The following ADAMTS19 variants were observed in gnomAD, a reference collection of about 807,000 sequenced individuals.
ADAMTS19 encodes the protein ADAM metallopeptidase with thrombospondin type 1 motif 19.
In ADAMTS19, 93 loss-of-function variants were observed where a neutral mutation model predicts 153.3. That is an observed-to-expected ratio of 0.61 (90% CI 0.51 to 0.72). The LOEUF (loss-of-function observed/expected upper bound fraction) is 0.72. ADAMTS19 is among the 30% of genes least tolerant of loss of function. The pLI, the probability that ADAMTS19 is intolerant of heterozygous loss-of-function variation, is 0.00. For synonymous variants in ADAMTS19, 600 were observed against 556.6 expected (o/e 1.08, Z -1.10); for missense variants, 1,482 against 1,552.1 (o/e 0.95, Z 0.76).
At chr5:129,588,112 G>A (rs1392499040) in intron 7 of ADAMTS19, among the ~76,000 whole-genome samples, 2 of 152,064 alleles carry the variant, frequency 1.3e-5, no homozygotes, top group Non-Finnish European at 2.9e-5. Flanking sequence ...GTGTACCACT[G>A]GCTTTGTTAT....
Position 129,574,712 on chromosome 5 carries a change from G to T in ADAMTS19, c.1373-21847G>T, listed in dbSNP as rs542601286. On this transcript the variant is annotated intron_variant, in intron 7 of 22. Transcript: ENST00000274487. ...TAAGCCTGTTTTGCTTATACAATTT[G>T]ATGAGTTTGGATGTATATATAAATT... 5.6e-3 allele frequency among the ~76,000 whole-genome samples: 846 copies of T among 151,888 alleles called. 6 individuals carry two copies. Among genetic ancestry groups the T allele is most frequent in the Middle Eastern group, 0.01 (3 of 292 alleles).
chr5:129,521,599 C>G (rs1751802245), intron 3 of ADAMTS19, among the ~76,000 whole-genome samples: 1 of 152,096 alleles, frequency 6.6e-6, no homozygotes, highest in South Asian at 2.1e-4. Context: ...TAACATCCCC[C>G]AGAAATGTTA....
chr5:129,491,541 C>A (rs958218041), intron 2 of ADAMTS19, among the ~76,000 whole-genome samples: 1 of 152,126 alleles, frequency 6.6e-6, no homozygotes, highest in African/African-American at 2.4e-5. Context: ...AATTTGGAAT[C>A]CTTCTACTCG....
rs776542968 is a variant in ADAMTS19 at position 129,461,702 on chromosome 5, C to A, written c.692C>A (p.Ala231Asp). 2.6e-6 allele frequency: 4 copies of A among 1,549,884 alleles called. No individual in the cohort carries two copies. The South Asian group carries it at 4.7e-5, about 18-fold the overall frequency. The change falls in exon 2 of 23, where the codon GCT (alanine) becomes GAT (aspartate). Residue 231 changes from alanine (A) to aspartate (D), a missense_variant. By Grantham distance (126) the Ala-to-Asp change is moderately radical. Coordinates refer to ENST00000274487, the MANE Select transcript of ADAMTS19 (RefSeq NM_133638.6). This position sits in a 1 kb window ranked among gnomAD's most constrained non-coding sequence, Gnocchi z 4.6. ...PPDAGCFYTG[A>D]VLRHPGSLAS... is the part of the protein sequence containing the mutation. ...GACGCAGGCTGCTTCTACACCGGAG[C>A]TGTGCTGCGGCACCCTGGCTCGCTG... is the stretch of plus-strand genomic sequence containing the variant.
At chr5:129,483,669 A>G (rs898935467) in intron 2 of ADAMTS19, among the ~76,000 whole-genome samples, 3 of 152,224 alleles carry the variant, frequency 2.0e-5, no homozygotes, top group Non-Finnish European at 2.9e-5. Context: ...AGGCACAGCC[A>G]AAATCTGTAA....
Position 129,704,229 on chromosome 5 carries a change from T to C in ADAMTS19, c.3160-10T>C. ...CAACTTTATCTAAAACCTCTGATGT[T>C]ATCTTCCAGTGTTCAGTCAAGTGTG... On this transcript the variant is annotated splice_polypyrimidine_tract_variant and intron_variant, in intron 20 of 22. Coordinates refer to ENST00000274487, the MANE Select transcript of ADAMTS19 (RefSeq NM_133638.6). The C allele has an allele frequency of 6.2e-7, 1 of 1,609,852 alleles. No individual in the cohort carries two copies. The highest frequency in any genetic ancestry group is 8.5e-7 in the Non-Finnish European group (1 of 1,178,264).
intron 13 of ADAMTS19, among the ~76,000 whole-genome samples, chr5:129,651,784 T>C (rs1753327630): frequency 6.6e-6 from 1 of 152,204 alleles, no homozygotes; most frequent in Non-Finnish European, 1.5e-5. Context: ...GTCCCTAGTG[T>C]ATCATCTACT....
At chr5:129,653,224 T>C (rs185641956) in intron 13 of ADAMTS19, among the ~76,000 whole-genome samples, 2 of 152,338 alleles carry the variant, frequency 1.3e-5, no homozygotes, top group East Asian at 3.9e-4. Context: ...TCAGAGACTT[T>C]AAACTTTTTT....
intron 8 of ADAMTS19, among the ~76,000 whole-genome samples, chr5:129,615,631 C>T (rs1251523740): frequency 2.0e-5 from 3 of 151,868 alleles, no homozygotes; most frequent in Non-Finnish European, 2.9e-5. Flanking sequence ...TATATTAATA[C>T]ACTCATAAGA....
intron 15 of ADAMTS19, among the ~76,000 whole-genome samples, chr5:129,661,290 A>T (rs1168350736): frequency 6.6e-6 from 1 of 152,252 alleles, no homozygotes; most frequent in Non-Finnish European, 1.5e-5. Flanking sequence ...TTATCAGCAT[A>T]GTATGCGATC....
Position 129,608,116 on chromosome 5 carries a change from G to GTGTATATATATATATATA in ADAMTS19, c.1478+11453_1478+11454insGTATATATATATATATAT, listed in dbSNP as rs377008786. Among the ~76,000 whole-genome samples the GTGTATATATATATATATA allele has an allele frequency of 8.5e-3, 408 of 47,840 alleles. 23 individuals carry two copies. The highest frequency in any genetic ancestry group is 0.022 in the East Asian group (37 of 1,714). The allele number at this position is 47,840 out of a possible 152,430, so 31.4% of individuals were successfully genotyped here. On this transcript the variant is annotated intron_variant, in intron 8 of 22. Coordinates refer to ENST00000274487, the MANE Select transcript of ADAMTS19 (RefSeq NM_133638.6). ...TGTGTGTGTGTGTGTGTGTGTGTGTGTATATATATATATATATATATATAA... is the reference window on the plus strand; with the variant it reads ...TGTGTGTGTGTGTGTGTGTGTGTGTGTGTATATATATATATATATATATATATATATATATATATATAA...
intron 8 of ADAMTS19, among the ~76,000 whole-genome samples, chr5:129,616,267 T>A (rs541214272): frequency 3.7e-4 from 57 of 152,156 alleles, no homozygotes; most frequent in African/African-American, 1.3e-3. Flanking sequence ...TGTAATTAAA[T>A]GTCATTTTGT....
chr5:129,602,817 TTA>T (rs1180172740), intron 8 of ADAMTS19, among the ~76,000 whole-genome samples: 1 of 142,360 alleles, frequency 7.0e-6, no homozygotes, highest in Non-Finnish European at 1.5e-5. Context: ...TATTGTTGTC[TTA>T]TATTCTCTGT....
chr5:129,482,088 T>C (rs1265161662), intron 2 of ADAMTS19, among the ~76,000 whole-genome samples: 1 of 152,184 alleles, frequency 6.6e-6, no homozygotes, highest in Non-Finnish European at 1.5e-5. Context: ...AGACCAGTCA[T>C]TTTTAGGAAT....
chr5:129,675,125 T>C (rs969659834), intron 16 of ADAMTS19, among the ~76,000 whole-genome samples: 1 of 152,196 alleles, frequency 6.6e-6, no homozygotes, highest in Non-Finnish European at 1.5e-5. Flanking sequence ...AATTGTTAAA[T>C]CTTTTACCCC....
intron 18 of ADAMTS19, among the ~76,000 whole-genome samples, chr5:129,693,881 A>T: frequency 6.6e-6 from 1 of 152,184 alleles, no homozygotes; most frequent in Non-Finnish European, 1.5e-5. Context: ...TCATTTGGGT[A>T]AAGATTTCTA....
intron 2 of ADAMTS19, among the ~76,000 whole-genome samples, chr5:129,496,295 A>G (rs2126700852): frequency 6.6e-6 from 1 of 152,212 alleles, no homozygotes; most frequent in African/African-American, 2.4e-5. Context: ...ATTACTGTAA[A>G]GATATTTAAG....
intron 7 of ADAMTS19, among the ~76,000 whole-genome samples, chr5:129,570,108 T>C (rs753818062): frequency 6.6e-6 from 1 of 151,820 alleles, no homozygotes; most frequent in African/African-American, 2.4e-5. Context: ...GAAATCAAAA[T>C]GGAATAGCAA....
Position 129,579,523 on chromosome 5 carries a change from T to A in ADAMTS19, c.1373-17036T>A, listed in dbSNP as rs536293364. Among the ~76,000 whole-genome samples, 4 of 152,324 alleles carry A rather than the reference T, an allele frequency of 2.6e-5. No homozygotes were observed. The South Asian group carries it at 8.3e-4, about 32-fold the overall frequency. ...CATGAAGCCTTTGCCCATGCCTGTG[T>A]CCTGAATGGTATTACCTAGGTTTTC... On this transcript the variant is annotated intron_variant, in intron 7 of 22. Transcript: ENST00000274487.
Sources: allele counts gnomAD v4.1 joint callset (sites outside exome capture counted in the v4.1 genomes callset), GRCh38; gene constraint gnomAD v4.1.1; non-coding constraint Gnocchi (gnomAD v3.1); transcripts MANE v1.5; gene names NCBI Gene and HGNC (gene_info 2026-07-23, HGNC 2026-07-21).